The following SLC1A7 variants were observed in gnomAD, a reference collection of about 807,000 sequenced individuals.
SLC1A7 encodes the protein excitatory amino acid transporter 5.
In SLC1A7, 40 loss-of-function variants were observed where a neutral mutation model predicts 47.7. The ratio of observed to expected loss-of-function variants is 0.84; its 90% CI spans 0.65 to 1.09. SLC1A7 has a LOEUF of 1.09. Ranked by LOEUF, SLC1A7 falls within the 50% of genes least tolerant of loss-of-function variation. SLC1A7 has a pLI of 0.00. For missense variants in SLC1A7, 746 were observed against 769.5 expected (o/e 0.97, Z 0.36); for synonymous variants, 323 against 325.6 (o/e 0.99, Z 0.09).
chr1:53,131,583 A>T (rs1260530779), intron 2 of SLC1A7, among the ~76,000 whole-genome samples: 4 of 152,238 alleles, frequency 2.6e-5, no homozygotes, highest in African/African-American at 9.6e-5. Flanking sequence ...CAGTCTGTGA[A>T]CACCACAGGA....
At chr1:53,098,699 A>G (rs1644531549) in intron 5 of SLC1A7, among the ~76,000 whole-genome samples, 1 of 151,254 alleles carries the variant, frequency 6.6e-6, no homozygotes. Flanking sequence ...CAGTACACTC[A>G]CATAACTGGC....
intron 2 of SLC1A7, among the ~76,000 whole-genome samples, chr1:53,129,103 C>T (rs756583481): frequency 2.2e-5 from 3 of 137,154 alleles, no homozygotes; most frequent in African/African-American, 5.4e-5. Flanking sequence ...TGCTTGAACC[C>T]GGGAGGTGGA....
Position 53,093,521 on chromosome 1 carries a change from A to T in SLC1A7, c.737T>A (p.Leu246Gln). ...LGRMGDSGAPLVSFCQCLNES... is the reference protein window; with the variant it reads ...LGRMGDSGAPQVSFCQCLNES... ...ATTGAGGCACTGGCAGAAGCTGACCAGGGGGGCCCCGCTGTCACCCATGCG... is the reference window on the plus strand; with the variant it reads ...ATTGAGGCACTGGCAGAAGCTGACCTGGGGGGCCCCGCTGTCACCCATGCG... The change falls in exon 6 of 11, where the codon CTG becomes CAG. Residue 246 changes from leucine (L) to glutamine (Q), a missense_variant. Physicochemically the swap from Leu to Gln is moderately radical, Grantham distance 113. Transcript: ENST00000371494. 6.2e-7 allele frequency: 1 copy of T among 1,609,864 alleles called. No homozygotes were observed. Among genetic ancestry groups the T allele is most frequent in the African/African-American group, 1.3e-5 (1 of 75,012 alleles).
chr1:53,110,693 A>G (rs778284664), intron 3 of SLC1A7, among the ~76,000 whole-genome samples: 5 of 152,272 alleles, frequency 3.3e-5, no homozygotes, highest in Non-Finnish European at 5.9e-5. Context: ...ACCAGATCCT[A>G]GAAATAACAG....
intron 9 of SLC1A7, among the ~76,000 whole-genome samples, chr1:53,089,326 G>A (rs59461057): frequency 2.6e-5 from 4 of 152,058 alleles, no homozygotes; most frequent in African/African-American, 7.2e-5. Flanking sequence ...GTGCAGTGGC[G>A]CCATCTCGGC....
chr1:53,093,333 G>A, intron 6 of SLC1A7, 128 bp downstream of exon 6: 1 of 745,452 alleles, frequency 1.3e-6, no homozygotes, highest in Non-Finnish European at 2.2e-6. Flanking sequence ...TAGCTCCGGA[G>A]GCCCCGGCCC....
intron 1 of SLC1A7, among the ~76,000 whole-genome samples, chr1:53,137,287 C>CAAAGAAAAAAAAAAAAAAAAAAAAA (rs1645011155): frequency 9.9e-6 from 1 of 100,750 alleles, no homozygotes; most frequent in African/African-American, 3.9e-5. Flanking sequence ...ACGCTATCTC[C>CAAAGAAAAAAAAAAAAAAAAAAAAA]AAAAAAAAAA....
intron 2 of SLC1A7, among the ~76,000 whole-genome samples, chr1:53,124,282 ACACACAC>A (rs1173013688): frequency 6.8e-6 from 1 of 147,466 alleles, no homozygotes; most frequent in East Asian, 2.0e-4. Flanking sequence ...ACACACACAC[ACACACAC>A]AACACAGCTT....
At chr1:53,116,076 C>T (rs1438220413) in intron 2 of SLC1A7, 1 of 152,228 alleles carries the variant, frequency 6.6e-6, no homozygotes, top group Non-Finnish European at 1.5e-5. Context: ...TAAACAAGAG[C>T]AGATAATCCC....
intron 2 of SLC1A7, among the ~76,000 whole-genome samples, chr1:53,130,488 C>A (rs1156316648): frequency 6.2e-5 from 9 of 146,088 alleles, no homozygotes; most frequent in Admixed American, 2.1e-4. Context: ...TAACCCCCTG[C>A]CCCCATCCCC....
At position 53,089,898 on chromosome 1, in the gene SLC1A7, G is replaced by A; in HGVS notation, c.1263C>T (p.Gly421=). ...TATAASIGAA[G]IPQAGLVTMV... is the part of the protein sequence containing the mutation. ...TGGTGACGAGGCCGGCCTGGGGGAT[G>A]CCAGCTGCCCCAATGCTGGCTGCAG... The change falls in exon 9 of 11, where the codon GGC becomes GGT. Residue 421 remains glycine (G), a synonymous_variant. Coordinates refer to ENST00000371494, the MANE Select transcript of SLC1A7 (RefSeq NM_006671.6). 2 of 1,613,742 alleles carry A rather than the reference G, an allele frequency of 1.2e-6. No homozygotes were observed. Among genetic ancestry groups the A allele is most frequent in the Non-Finnish European group, 1.7e-6 (2 of 1,179,928 alleles).
At chr1:53,100,713 T>C (rs1342211480) in intron 5 of SLC1A7, among the ~76,000 whole-genome samples, 4 of 129,200 alleles carry the variant, frequency 3.1e-5, no homozygotes, top group East Asian at 2.6e-4. Flanking sequence ...TGTACACTCA[T>C]ACATACCACC....
chr1:53,142,507 C>T lies in SLC1A7; in HGVS notation c.-58G>A, dbSNP rs950168303. On this transcript the variant is annotated 5_prime_UTR_variant, in exon 1 of 11. Transcript: ENST00000371494. ...ACCATTCCACGCATGAGAGCCCGGC[C>T]GGGGGCACAGGGTCTGGGCTGAGGG... 48 of 1,582,462 alleles carry T rather than the reference C, an allele frequency of 3.0e-5. No homozygotes were observed. Among genetic ancestry groups the T allele is most frequent in the Admixed American group, 8.6e-5 (5 of 57,890 alleles).
chr1:53,128,391 C>T (rs986631767), intron 2 of SLC1A7, among the ~76,000 whole-genome samples: 25 of 152,102 alleles, frequency 1.6e-4, no homozygotes, highest in African/African-American at 5.8e-4. Flanking sequence ...TCGGGAGGAT[C>T]GATTGAGCCC....
intron 4 of SLC1A7, among the ~76,000 whole-genome samples, chr1:53,105,304 T>C (rs1293973087): frequency 1.3e-5 from 2 of 152,190 alleles, no homozygotes; most frequent in African/African-American, 2.4e-5. Context: ...GAAAACAGGC[T>C]AAGAAGATAG....
Position 53,087,726 on chromosome 1 carries a change from AT to A in SLC1A7, c.*282del, listed in dbSNP as rs1644374762. 6.8e-6 allele frequency: 2 copies of A among 292,030 alleles called. No homozygotes were observed. Among genetic ancestry groups the A allele is most frequent in the East Asian group, 1.1e-4 (2 of 19,034 alleles). The allele number at this position is 292,030 out of a possible 1,614,324, so 18.1% of individuals were successfully genotyped here. A position where few individuals can be genotyped will look rare whatever the true frequency, so the allele number is the denominator to read the frequency against. ...TCTGTCATCCAGAAAGTGGGGCCGG[AT>A]AACCCCTGCCTGCCGCCCTCACCGG... On this transcript the variant is annotated 3_prime_UTR_variant, in exon 11 of 11. Coordinates refer to ENST00000371494, the MANE Select transcript of SLC1A7 (RefSeq NM_006671.6).
chr1:53,100,076 A>C (rs908393637), intron 5 of SLC1A7, among the ~76,000 whole-genome samples: 5 of 147,108 alleles, frequency 3.4e-5, no homozygotes, highest in African/African-American at 1.3e-4. Flanking sequence ...ACACTCACAC[A>C]CCCCCACCTT....
At chr1:53,133,616 A>T (rs1196518604) in intron 2 of SLC1A7, among the ~76,000 whole-genome samples, 1 of 152,146 alleles carries the variant, frequency 6.6e-6, no homozygotes, top group Non-Finnish European at 1.5e-5. Flanking sequence ...CTCATTATAC[A>T]TCTGGAATAC....
chr1:53,134,428 T>C lies in SLC1A7; in HGVS notation c.137A>G (p.Glu46Gly). The C allele has an allele frequency of 1.9e-6, 3 of 1,608,224 alleles. No homozygotes were observed. The highest frequency in any genetic ancestry group is 2.6e-6 in the Non-Finnish European group (3 of 1,175,302). ...TCCAGGGAACTGGAAGTAACTAATT[T>C]CCTGAAAACACAGTAAGAACTGGGG... is the stretch of plus-strand genomic sequence containing the variant. ...FLRTRRLSPQ[E>G]ISYFQFPGEL... The change falls in exon 2 of 11, where the codon GAA (glutamate) becomes GGA (glycine). Residue 46 changes from glutamate (E) to glycine (G), a missense_variant and splice_region_variant. Coordinates refer to ENST00000371494, the MANE Select transcript of SLC1A7 (RefSeq NM_006671.6).
Sources: allele counts gnomAD v4.1 joint callset (sites outside exome capture counted in the v4.1 genomes callset), GRCh38; gene constraint gnomAD v4.1.1; transcripts MANE v1.5; gene names NCBI Gene and HGNC (gene_info 2026-07-23, HGNC 2026-07-21).